The following RASSF3 variants were observed in gnomAD, a reference collection of about 807,000 sequenced individuals.
RASSF3 encodes ras association domain-containing protein 3.
RASSF3 carries 19 observed loss-of-function variants against 19.9 expected under a neutral mutation model. The observed-to-expected ratio is 0.96, with a 90% CI of 0.67 to 1.40. The LOEUF (loss-of-function observed/expected upper bound fraction) is 1.40, where lower values mean the gene tolerates loss of function less well. Ranked by LOEUF, RASSF3 falls within the 40% of genes most tolerant of loss-of-function variation. The pLI, the probability that RASSF3 is intolerant of heterozygous loss-of-function variation, is 0.00. For synonymous variants in RASSF3, 110 were observed against 104.2 expected (o/e 1.06, Z -0.34); for missense variants, 306 against 289.8 (o/e 1.06, Z -0.41).
At chr12:64,612,066 C>A (rs1292739389) in intron 1 of RASSF3, among the ~76,000 whole-genome samples, 3 of 152,116 alleles carry the variant, frequency 2.0e-5, no homozygotes, top group Non-Finnish European at 2.9e-5. Flanking sequence ...GGATCTCTTA[C>A]TTTCAGCAGA....
intron 1 of RASSF3, among the ~76,000 whole-genome samples, chr12:64,639,338 G>A (rs1320480870): frequency 2.7e-5 from 4 of 150,638 alleles, no homozygotes; most frequent in Admixed American, 2.0e-4. Flanking sequence ...GAGAGACTCC[G>A]TAAAAAAGAA....
At chr12:64,691,603 T>C in intron 4 of RASSF3, 24 bp downstream of exon 4, 1 of 1,332,728 alleles carries the variant, frequency 7.5e-7, no homozygotes, top group Non-Finnish European at 1.0e-6. Context: ...CACTATTGCT[T>C]TAAACTATAC....
intron 2 of RASSF3, among the ~76,000 whole-genome samples, chr12:64,569,970 C>T (rs1474735301): frequency 6.6e-6 from 1 of 150,710 alleles, no homozygotes; most frequent in Non-Finnish European, 1.5e-5. Context: ...TGTCTCAAAA[C>T]AACAACAACA....
chr12:64,667,451 C>CA (rs1205975884), intron 1 of RASSF3, among the ~76,000 whole-genome samples: 8 of 152,184 alleles, frequency 5.3e-5, no homozygotes, highest in Admixed American at 5.2e-4. Flanking sequence ...CTCAGCCTCC[C>CA]AAAGTACTGG....
At chr12:64,638,510 G>A (rs1168992059) in intron 1 of RASSF3, among the ~76,000 whole-genome samples, 2 of 151,838 alleles carry the variant, frequency 1.3e-5, no homozygotes, top group African/African-American at 4.8e-5. Context: ...AACCCAGGAG[G>A]CGGAGCTTGC....
intron 3 of RASSF3, among the ~76,000 whole-genome samples, chr12:64,690,333 C>G (rs962361363): frequency 1.3e-5 from 2 of 152,088 alleles, no homozygotes; most frequent in African/African-American, 4.8e-5. Context: ...AAGTGCCCAC[C>G]ACCATGCCCA....
chr12:64,678,998 G>A (rs902998327), intron 1 of RASSF3, among the ~76,000 whole-genome samples: 13 of 152,164 alleles, frequency 8.5e-5, no homozygotes, highest in East Asian at 3.9e-4. Flanking sequence ...TCCACAGGCC[G>A]TCACTAAGCT....
At chr12:64,652,073 A>G (rs772177729) in intron 1 of RASSF3, among the ~76,000 whole-genome samples, 1 of 152,174 alleles carries the variant, frequency 6.6e-6, no homozygotes, top group Non-Finnish European at 1.5e-5. Flanking sequence ...ACAACAGACT[A>G]GTTGGTGTTA....
exon 1 of RASSF3, chr12:64,507,251 C>T (rs917285657): frequency 2.3e-5 from 9 of 398,488 alleles, no homozygotes; most frequent in Admixed American, 1.3e-4. Flanking sequence ...AAGAATAGCC[C>T]GGCTCTTTTA....
intron 1 of RASSF3, among the ~76,000 whole-genome samples, chr12:64,684,580 C>T (rs1210656261): frequency 3.3e-5 from 5 of 151,924 alleles, no homozygotes; most frequent in South Asian, 2.1e-4. Flanking sequence ...TACAAGCGTG[C>T]GCCACCATGC....
At chr12:64,639,198 T>A (rs1775199926) in intron 1 of RASSF3, among the ~76,000 whole-genome samples, 1 of 152,160 alleles carries the variant, frequency 6.6e-6, no homozygotes, top group African/African-American at 2.4e-5. Flanking sequence ...GTTTAGGGGG[T>A]AAATGGAATA....
At chr12:64,642,886 G>A (rs9738579) in intron 1 of RASSF3, among the ~76,000 whole-genome samples, 1 of 145,658 alleles carries the variant, frequency 6.9e-6, no homozygotes, top group Non-Finnish European at 1.5e-5. Flanking sequence ...TTTTTCTTGA[G>A]ATGGAGTCTC....
intron 2 of RASSF3, among the ~76,000 whole-genome samples, chr12:64,551,959 C>T (rs113852936): frequency 1.8e-3 from 271 of 152,286 alleles, no homozygotes; most frequent in Non-Finnish European, 3.1e-3. Flanking sequence ...AACGTCCACC[C>T]GCCTTACACA....
intron 1 of RASSF3, among the ~76,000 whole-genome samples, chr12:64,535,846 C>G (rs1399321755): frequency 1.3e-5 from 2 of 151,602 alleles, no homozygotes; most frequent in Non-Finnish European, 2.9e-5. Context: ...CACCACCACA[C>G]CCACCTAATT....
chr12:64,575,859 T>C (rs183149178), intron 2 of RASSF3: 1 of 151,990 alleles, frequency 6.6e-6, no homozygotes, highest in East Asian at 1.9e-4. Context: ...ATCTCCTTGG[T>C]ACATTCTGAA....
chr12:64,694,690 G>C (rs575945254), intron 4 of RASSF3, 73 bp from the exon 5 acceptor site: 1 of 1,539,914 alleles, frequency 6.5e-7, no homozygotes, highest in Non-Finnish European at 8.9e-7. Flanking sequence ...ACCTCTGGGA[G>C]CTCCTGGTCA....
intron 1 of RASSF3, among the ~76,000 whole-genome samples, chr12:64,513,803 C>A (rs1287719602): frequency 6.6e-6 from 1 of 152,116 alleles, no homozygotes. Flanking sequence ...CCAGAGGAAC[C>A]GTGCAGTATC....
chr12:64,681,319 C>T (rs1203182147), intron 1 of RASSF3, among the ~76,000 whole-genome samples: 4 of 152,158 alleles, frequency 2.6e-5, no homozygotes, highest in Non-Finnish European at 5.9e-5. Flanking sequence ...GTGAAAGCAC[C>T]TCCACATCTT....
At chr12:64,572,208 C>A (rs932128055) in intron 2 of RASSF3, among the ~76,000 whole-genome samples, 3 of 152,040 alleles carry the variant, frequency 2.0e-5, no homozygotes, top group South Asian at 2.1e-4. Flanking sequence ...GAAACCCTAA[C>A]ACCTAATGTA....
Sources: allele counts gnomAD v4.1 joint callset (sites outside exome capture counted in the v4.1 genomes callset), GRCh38; gene constraint gnomAD v4.1.1; transcripts MANE v1.5; gene names NCBI Gene and HGNC (gene_info 2026-07-23, HGNC 2026-07-21).